The following FBLN1 variants were observed in gnomAD, a reference collection of about 807,000 sequenced individuals.
FBLN1 encodes fibulin 1.
Under a neutral mutation model 89.7 loss-of-function variants are expected in FBLN1, and 34 were observed. That is an observed-to-expected ratio of 0.38 (90% confidence interval 0.29 to 0.50). The LOEUF is 0.50. Among genes scored for constraint, FBLN1 ranks in the 20% least tolerant of loss-of-function variants. FBLN1 has a pLI of 0.92. For missense variants in FBLN1, 777 were observed against 988.1 expected (o/e 0.79, Z 2.86); for synonymous variants, 393 against 391.3 (o/e 1.00, Z -0.05).
chr22:45,533,175 T>C lies in FBLN1; in HGVS notation c.646+11T>C. ...GTGTCTCCTGTGAAGGTAATGTCCC[T>C]ATCCCAGGTGCCAGCAGGACTGGCC... On this transcript the variant is annotated intron_variant, in intron 6 of 16. Transcript: ENST00000327858. 1 of 1,610,658 alleles carries C rather than the reference T, an allele frequency of 6.2e-7. No individual in the cohort carries two copies. The highest frequency in any genetic ancestry group is 8.5e-7 in the Non-Finnish European group (1 of 1,176,830).
At chr22:45,564,194 CT>C (rs143761828) in intron 14 of FBLN1, among the ~76,000 whole-genome samples, 4,095 of 152,232 alleles carry the variant, frequency 0.027, 72 homozygotes, top group South Asian at 0.057. Context: ...CCTTAACCCC[CT>C]GCCTCCCTCC....
At chr22:45,591,274 T>C (rs1261904167) in intron 16 of FBLN1, among the ~76,000 whole-genome samples, 5 of 152,126 alleles carry the variant, frequency 3.3e-5, no homozygotes, top group Non-Finnish European at 7.3e-5. Flanking sequence ...GCGTTTGCGA[T>C]GAGAGGAGAG....
At chr22:45,518,959 G>A (rs2088209778) in intron 2 of FBLN1, among the ~76,000 whole-genome samples, 172 bp downstream of exon 2, 1 of 152,150 alleles carries the variant, frequency 6.6e-6, no homozygotes, top group Non-Finnish European at 1.5e-5. Flanking sequence ...CCTGGCACCG[G>A]CCTGGCACCG....
chr22:45,566,937 G>T (rs113315482), intron 14 of FBLN1, among the ~76,000 whole-genome samples: 7 of 152,364 alleles, frequency 4.6e-5, no homozygotes, highest in African/African-American at 1.7e-4. Context: ...CTGACCATGA[G>T]ACAGGCGCTG....
rs6007075 is a variant in FBLN1 at position 45,525,751 on chromosome 22, C to T, written c.321+73C>T. On this transcript the variant is annotated intron_variant, in intron 3 of 16. Transcript: ENST00000327858. ...GCAGACCCAGGCCCTCCCAGCCAAG[C>T]GGCACTGTCTGTCAGCGCTCCCTGC... 101,890 of 1,541,184 alleles carry T rather than the reference C, an allele frequency of 0.066. 4,133 individuals carry two copies. The highest frequency in any genetic ancestry group is 0.16 in the South Asian group (13,118 of 83,846).
intron 14 of FBLN1, among the ~76,000 whole-genome samples, chr22:45,568,406 G>C (rs930800634): frequency 6.6e-6 from 1 of 151,904 alleles, no homozygotes; most frequent in Admixed American, 6.6e-5. Context: ...CTTCTGTAGG[G>C]GAGTGCTCTT....
Position 45,503,000 on chromosome 22 carries a change from G to A in FBLN1, c.15G>A (p.Ala5=). 2 of 1,227,740 alleles carry A rather than the reference G, an allele frequency of 1.6e-6. No homozygotes were observed. The highest frequency in any genetic ancestry group is 1.0e-6 in the Non-Finnish European group (1 of 985,218). The allele number at this position is 1,227,740 out of a possible 1,614,324, so 76.1% of individuals were successfully genotyped here. A position where few individuals can be genotyped will look rare whatever the true frequency, so the allele number is the denominator to read the frequency against. Residue 5 remains alanine, a synonymous_variant, in exon 1 of 17, where the codon GCG becomes GCA. Transcript: ENST00000327858. MERA[A]PSRRVPLPLL... ...GCCCGCCGCCCATGGAGCGCGCCGC[G>A]CCGTCGCGCCGGGTCCCGCTTCCGC...
At chr22:45,593,282 C>A (rs1017067254) in intron 16 of FBLN1, among the ~76,000 whole-genome samples, 3 of 151,796 alleles carry the variant, frequency 2.0e-5, no homozygotes, top group Non-Finnish European at 4.4e-5. Context: ...ACCACAGAGC[C>A]CAAGAGGCAG....
rs1481496967 is a variant in FBLN1, at chr22:45,594,690, GTGGATAGA to G, written c.1973-5611_1973-5604del. Among the ~76,000 whole-genome samples the G allele has an allele frequency of 3.4e-3, 426 of 123,708 alleles. 1 individual carries two copies. The highest frequency in any genetic ancestry group is 0.014 in the African/African-American group (395 of 27,412). 81.2% of individuals were successfully genotyped at this position (123,708 alleles called of 152,430 possible). A position where few individuals can be genotyped will look rare whatever the true frequency, so the allele number is the denominator to read the frequency against. ...CATGGGTAGGTGAGTGGATGGATTG[GTGGATAGA>G]TGGATGGATGGATGGATGGATGGAT... On this transcript the variant is annotated intron_variant, in intron 16 of 16. Transcript: ENST00000327858.
At position 45,545,147 on chromosome 22, in the gene FBLN1, G is replaced by T. The variant is rs2088610407; in HGVS notation, c.1321+1621G>T. The stretch of plus-strand genomic sequence containing the variant: ...TGATTCTCAAATCGGAGGACGGACG[G>T]TGTGAGGGGTCCTGGGCTTAGTTCA... On this transcript the variant is annotated intron_variant, in intron 11 of 16. Coordinates refer to ENST00000327858, the MANE Select transcript of FBLN1 (RefSeq NM_006486.3). The surrounding 1 kb of genome is among the most constrained non-coding windows in gnomAD (Gnocchi z 5.9). Among the ~76,000 whole-genome samples the T allele has an allele frequency of 6.6e-6, 1 of 152,214 alleles. No homozygotes were observed. The highest frequency in any genetic ancestry group is 2.4e-5 in the African/African-American group (1 of 41,444).
Position 45,597,683 on chromosome 22 carries a change from G to A in FBLN1, c.1973-2624G>A, listed in dbSNP as rs561934164. On this transcript the variant is annotated intron_variant, in intron 16 of 16. Transcript: ENST00000327858. The surrounding 1 kb of genome is among the most constrained non-coding windows in gnomAD (Gnocchi z 4.2). Reference sequence around the variant, plus strand: ...TGGTGACAGGCGCACGTCTTTTGCCGGGAGCTGAAGACGTTCATGGGCTTT... The same window carrying A: ...TGGTGACAGGCGCACGTCTTTTGCCAGGAGCTGAAGACGTTCATGGGCTTT... 3.3e-5 allele frequency among the ~76,000 whole-genome samples: 5 copies of A among 152,248 alleles called. No individual in the cohort carries two copies. Among genetic ancestry groups the A allele is most frequent in the South Asian group, 2.1e-4 (1 of 4,816 alleles).
chr22:45,530,920 C>T lies in FBLN1; in HGVS notation c.485-345C>T, dbSNP rs991725849. Reference sequence around the variant, plus strand: ...CTGAGATTACAGGTGCATGCCGCTACACCTGGCTAATTTTTGTATTTTTAG... The same window carrying T: ...CTGAGATTACAGGTGCATGCCGCTATACCTGGCTAATTTTTGTATTTTTAG... On this transcript the variant is annotated intron_variant, in intron 4 of 16. Transcript: ENST00000327858. The surrounding 1 kb of genome is among the most constrained non-coding windows in gnomAD (Gnocchi z 5.4). 1.3e-5 allele frequency among the ~76,000 whole-genome samples: 2 copies of T among 152,116 alleles called. No individual in the cohort carries two copies. The highest frequency in any genetic ancestry group is 4.8e-5 in the African/African-American group (2 of 41,424).
chr22:45,563,017 G>T lies in FBLN1; in HGVS notation c.1698-11494G>T. The T allele has an allele frequency of 6.2e-7, 1 of 1,613,528 alleles. No homozygotes were observed. Among genetic ancestry groups the T allele is most frequent in the Non-Finnish European group, 8.5e-7 (1 of 1,179,982 alleles). Reference sequence around the variant, plus strand: ...TCCCCACCAACATCCAAGCGCCCGCGGTGGTTTTCCGCATGGGCCCCTCCA... The same window carrying T: ...TCCCCACCAACATCCAAGCGCCCGCTGTGGTTTTCCGCATGGGCCCCTCCA... On this transcript the variant is annotated intron_variant, in intron 14 of 16. Coordinates refer to ENST00000327858, the MANE Select transcript of FBLN1 (RefSeq NM_006486.3). This position sits in a 1 kb window ranked among gnomAD's most constrained non-coding sequence, Gnocchi z 5.7.
At chr22:45,551,120 A>C (rs1230907302) in intron 14 of FBLN1, 2 of 247,668 alleles carry the variant, frequency 8.1e-6, no homozygotes, top group Non-Finnish European at 1.6e-5. Context: ...CAAAGATTCC[A>C]GATCCTAAAC....
intron 14 of FBLN1, among the ~76,000 whole-genome samples, chr22:45,552,261 A>T (rs898031722): frequency 6.6e-6 from 1 of 152,212 alleles, no homozygotes; most frequent in Non-Finnish European, 1.5e-5. Flanking sequence ...CCATGCCTGC[A>T]TGGAGGTGGA....
In FBLN1 at chr22:45,563,485, T is replaced by A; in HGVS notation, c.1698-11026T>A. The A allele has an allele frequency of 1.1e-6, 1 of 950,356 alleles. No homozygotes were observed. The highest frequency in any genetic ancestry group is 1.5e-6 in the Non-Finnish European group (1 of 657,416). 58.9% of individuals were successfully genotyped at this position (950,356 alleles called of 1,614,324 possible). On this transcript the variant is annotated intron_variant, in intron 14 of 16. Coordinates refer to ENST00000327858, the MANE Select transcript of FBLN1 (RefSeq NM_006486.3). The surrounding 1 kb of genome is among the most constrained non-coding windows in gnomAD (Gnocchi z 5.7). ...GGGCTGACTGAGGAGCGCTCCCCACTAGAGGGTGTGTGCTCGGGGGTCCCT... is the reference window on the plus strand; with the variant it reads ...GGGCTGACTGAGGAGCGCTCCCCACAAGAGGGTGTGTGCTCGGGGGTCCCT...
chr22:45,528,172 A>G (rs948012288), intron 4 of FBLN1, among the ~76,000 whole-genome samples, 163 bp downstream of exon 4: 3 of 152,182 alleles, frequency 2.0e-5, no homozygotes, highest in Admixed American at 1.3e-4. Context: ...CTGGAGCCCC[A>G]GGGAAGGAGG....
rs777407906 is a variant in FBLN1, at chr22:45,572,054, G to A, written c.1698-2457G>A. Among the ~76,000 whole-genome samples, 4 of 152,088 alleles carry A rather than the reference G, an allele frequency of 2.6e-5. No individual in the cohort carries two copies. The highest frequency in any genetic ancestry group is 1.9e-4 in the East Asian group (1 of 5,186). On this transcript the variant is annotated intron_variant, in intron 14 of 16. Transcript: ENST00000327858. The surrounding 1 kb of genome is among the most constrained non-coding windows in gnomAD (Gnocchi z 5.8). ...TGAGGCAGGAGAATCACTTGAACCC[G>A]GGAGGTGGAGGTTGCAGTGAGCCGA...
intron 14 of FBLN1, chr22:45,558,061 C>T (rs1462621813): frequency 1.4e-6 from 1 of 716,640 alleles, no homozygotes; most frequent in Non-Finnish European, 2.6e-6. Context: ...GTCTTCTCTT[C>T]CTCTGTCAGA....
Sources: allele counts gnomAD v4.1 joint callset (sites outside exome capture counted in the v4.1 genomes callset), GRCh38; gene constraint gnomAD v4.1.1; non-coding constraint Gnocchi (gnomAD v3.1); transcripts MANE v1.5; gene names NCBI Gene and HGNC (gene_info 2026-07-23, HGNC 2026-07-21).